Variants in MAPK10 observed in about 807,000 individuals in gnomAD.
The protein encoded by MAPK10 is mitogen-activated protein kinase 10.
MAPK10 carries 25 observed loss-of-function variants against 59.3 expected under a neutral mutation model. The observed-to-expected ratio is 0.42, with a 90% CI of 0.31 to 0.59. The LOEUF is 0.59. Among genes scored for constraint, MAPK10 ranks in the 20% least tolerant of loss-of-function variants. The pLI, the probability that MAPK10 is intolerant of heterozygous loss-of-function variation, is 0.15. For synonymous variants in MAPK10, 190 were observed against 200.5 expected (o/e 0.95, Z 0.44); for missense variants, 351 against 568.9 (o/e 0.62, Z 3.90).
At chr4:86,284,172 C>A (rs2094918639) in intron 2 of MAPK10, among the ~76,000 whole-genome samples, 1 of 152,120 alleles carries the variant, frequency 6.6e-6, no homozygotes, top group African/African-American at 2.4e-5. Context: ...TGAATCCTCA[C>A]AAAAACTATA....
At chr4:86,439,314 C>T (rs1011670698) in intron 1 of MAPK10, among the ~76,000 whole-genome samples, 2 of 152,142 alleles carry the variant, frequency 1.3e-5, no homozygotes, top group African/African-American at 4.8e-5. Context: ...AATCTCTTTT[C>T]TATTCCTATA....
intron 1 of MAPK10, among the ~76,000 whole-genome samples, chr4:86,388,500 G>T (rs1741798479): frequency 6.6e-6 from 1 of 152,082 alleles, no homozygotes; most frequent in South Asian, 2.1e-4. Flanking sequence ...TACATAAGAT[G>T]ACTTTTATTT....
chr4:86,031,218 C>T, intron 12 of MAPK10, 150 bp downstream of exon 12: 1 of 614,370 alleles, frequency 1.6e-6, no homozygotes, highest in Non-Finnish European at 2.9e-6. Flanking sequence ...CATGAAAAGA[C>T]AGATGAAGTT....
rs1294063347 is a variant in MAPK10, at chr4:86,055,233, A to ATGCCCAGATCAAGCTCTGGAACCTGTTCT, written c.1110+9032_1110+9033insAGAACAGGTTCCAGAGCTTGATCTGGGCA. Among the ~76,000 whole-genome samples the ATGCCCAGATCAAGCTCTGGAACCTGTTCT allele has an allele frequency of 1.8e-4, 24 of 132,450 alleles. 1 individual carries two copies. Among genetic ancestry groups the ATGCCCAGATCAAGCTCTGGAACCTGTTCT allele is most frequent in the Middle Eastern group, 4.3e-3 (1 of 230 alleles). The allele number at this position is 132,450 out of a possible 152,430, so 86.9% of individuals were successfully genotyped here. A position where few individuals can be genotyped will look rare whatever the true frequency, so the allele number is the denominator to read the frequency against. On this transcript the variant is annotated intron_variant, in intron 11 of 13. Transcript: ENST00000641462. ...TGGAAATAAAATCACTAACATGCTA[A>ATGCCCAGATCAAGCTCTGGAACCTGTTCT]ACATTACAGATACTTGAAATTATTC...
intron 1 of MAPK10, chr4:86,429,915 C>T (rs1747809110): frequency 1.3e-5 from 2 of 151,752 alleles, no homozygotes. Flanking sequence ...ATACCATTAC[C>T]ATTAAAATCT....
chr4:86,364,395 C>G (rs1737494678), upstream of MAPK10, among the ~76,000 whole-genome samples: 1 of 152,104 alleles, frequency 6.6e-6, no homozygotes, highest in South Asian at 2.1e-4. Context: ...TCCCAACGTG[C>G]TGAGATTACA....
At chr4:86,430,459 G>C (rs1747888678) in intron 1 of MAPK10, among the ~76,000 whole-genome samples, 1 of 152,158 alleles carries the variant, frequency 6.6e-6, no homozygotes. Context: ...GTAGGTGCTA[G>C]AAATACAAAA....
At position 86,029,221 on chromosome 4, in the gene MAPK10, C is replaced by T; in HGVS notation, c.1228G>A (p.Val410Ile). 1 of 1,610,490 alleles carries T rather than the reference C, an allele frequency of 6.2e-7. No individual in the cohort carries two copies. The highest frequency in any genetic ancestry group is 8.5e-7 in the Non-Finnish European group (1 of 1,177,074). Residue 410 changes from valine to isoleucine, a missense_variant, in exon 13 of 14, where the codon GTA (valine) becomes ATA (isoleucine). Val to Ile is a conservative substitution (Grantham distance 29). Around this residue, in one of 5 missense-constraint regions of MAPK10, gnomAD observed 155 missense variants for 204.2 expected, o/e 0.76. Transcript: ENST00000641462. Reference protein sequence around the residue: ...NSEEKTKNGVVKGQPSPSGAA... With the variant: ...NSEEKTKNGVIKGQPSPSGAA... ...CCTGAAGGAGAAGGCTGTCCTTTTACTACACCATTTTTAGTCTTTTCTTCT... is the reference window on the plus strand; with the variant it reads ...CCTGAAGGAGAAGGCTGTCCTTTTATTACACCATTTTTAGTCTTTTCTTCT...
At chr4:86,579,047 T>C (rs550039430) in intron 1 of MAPK10, among the ~76,000 whole-genome samples, 1 of 152,282 alleles carries the variant, frequency 6.6e-6, no homozygotes, top group African/African-American at 2.4e-5. Context: ...AAAAGTCATA[T>C]GGAAAAAACA....
At chr4:86,098,769 C>T in intron 8 of MAPK10, 174 bp from the exon 9 acceptor site, 1 of 579,730 alleles carries the variant, frequency 1.7e-6, no homozygotes, top group Non-Finnish European at 3.1e-6. Flanking sequence ...ATTACATAAA[C>T]AGTGTTTAGT....
intron 4 of MAPK10, chr4:86,152,499 C>T (rs951089268): frequency 2.0e-5 from 3 of 152,054 alleles, no homozygotes; most frequent in Admixed American, 6.6e-5. Flanking sequence ...ATTTAAATTC[C>T]ATCACAGGAG....
At chr4:86,510,896 G>A (rs1579438850) in intron 1 of MAPK10, among the ~76,000 whole-genome samples, 1 of 152,180 alleles carries the variant, frequency 6.6e-6, no homozygotes, top group African/African-American at 2.4e-5. Flanking sequence ...AGTGGGGAGG[G>A]AGGCATGAAG....
chr4:86,396,360 A>G lies in MAPK10; in HGVS notation c.-121-41716T>C, dbSNP rs554359228. 9.2e-5 allele frequency among the ~76,000 whole-genome samples: 14 copies of G among 152,252 alleles called. 1 individual carries two copies. The East Asian group carries it at 2.5e-3, about 27-fold the overall frequency. On this transcript the variant is annotated intron_variant, in intron 1 of 13. Coordinates refer to the MAPK10 transcript ENST00000361569. Reference sequence around the variant, plus strand: ...AGACTCTGTCTCAAAAAAAAGAAAGAAAGTAGCGTTTCCAACAGAGAAGAC... The same window carrying G: ...AGACTCTGTCTCAAAAAAAAGAAAGGAAGTAGCGTTTCCAACAGAGAAGAC...
chr4:86,236,970 CTCTAAGT>C, intron 2 of MAPK10, among the ~76,000 whole-genome samples: 1 of 152,076 alleles, frequency 6.6e-6, no homozygotes, highest in Non-Finnish European at 1.5e-5. Context: ...TTGACCCATC[CTCTAAGT>C]TGCCTCCCCT....
At chr4:86,243,659 C>T (rs2092895393) in intron 2 of MAPK10, among the ~76,000 whole-genome samples, 1 of 152,146 alleles carries the variant, frequency 6.6e-6, no homozygotes, top group Non-Finnish European at 1.5e-5. Context: ...CCTGCCCTGA[C>T]TTGCTTCAGG....
chr4:86,030,721 C>A (rs976397748), intron 12 of MAPK10, among the ~76,000 whole-genome samples: 8 of 152,006 alleles, frequency 5.3e-5, no homozygotes, highest in Non-Finnish European at 1.0e-4. Context: ...AATATTTTTT[C>A]TTTTCCTAAT....
At chr4:86,446,062 TA>T (rs1749999378) in intron 1 of MAPK10, among the ~76,000 whole-genome samples, 1 of 152,194 alleles carries the variant, frequency 6.6e-6, no homozygotes, top group Non-Finnish European at 1.5e-5. Context: ...TGATCGATTA[TA>T]GCTTATGTAG....
chr4:86,063,917 A>T (rs1362885708), intron 11 of MAPK10, among the ~76,000 whole-genome samples: 1 of 152,176 alleles, frequency 6.6e-6, no homozygotes, highest in Non-Finnish European at 1.5e-5. Context: ...AAGCTAAGCA[A>T]CTTGTCCTCT....
At chr4:86,156,439 T>C (rs960010298) in intron 4 of MAPK10, among the ~76,000 whole-genome samples, 13 of 152,046 alleles carry the variant, frequency 8.6e-5, no homozygotes, top group African/African-American at 3.1e-4. Context: ...AAAATTGAAT[T>C]GTGACCACTT....
Sources: gnomAD v4.1 joint callset for allele counts (sites outside exome capture counted in the v4.1 genomes callset) on GRCh38, gnomAD v4.1.1 for gene constraint, gnomAD v4.1.1 regional missense constraint, MANE v1.5 for transcripts, NCBI Gene and HGNC (gene_info 2026-07-23, HGNC 2026-07-21) for gene names.